Variants in WDR70 observed in about 807,000 individuals in gnomAD.
The protein encoded by WDR70 is WD repeat-containing protein 70.
A neutral mutation model predicts 88.6 loss-of-function variants in WDR70; 53 were observed. That is an observed-to-expected ratio of 0.60 (90% confidence interval 0.48 to 0.75). WDR70 has a LOEUF of 0.75. WDR70 is among the 30% of genes least tolerant of loss of function. The pLI is 0.00. For missense variants in WDR70, 610 were observed against 823.2 expected (o/e 0.74, Z 3.17); for synonymous variants, 280 against 270.0 (o/e 1.04, Z -0.36).
rs982273368 is a variant in WDR70 at position 37,562,263 on chromosome 5, G to A, written c.918-42801G>A. On this transcript the variant is annotated intron_variant, in intron 9 of 17. Coordinates refer to ENST00000265107, the MANE Select transcript of WDR70 (RefSeq NM_018034.4). The stretch of plus-strand genomic sequence containing the variant: ...TCCCAGCTACTTGGGAGGCTAAGGC[G>A]CAAAAATTGCTTGAACCGGGAGGCA... 2.8e-4 allele frequency among the ~76,000 whole-genome samples: 43 copies of A among 152,146 alleles called. No individual in the cohort carries two copies. The East Asian group carries it at 3.1e-3, about 11-fold the overall frequency.
chr5:37,641,891 A>G (rs536037963), intron 10 of WDR70, among the ~76,000 whole-genome samples: 4 of 152,288 alleles, frequency 2.6e-5, no homozygotes, highest in South Asian at 2.1e-4. Flanking sequence ...TATACCAACT[A>G]TTTTAGAAAG....
At chr5:37,432,842 C>G (rs867903361) in intron 5 of WDR70, among the ~76,000 whole-genome samples, 49 of 152,026 alleles carry the variant, frequency 3.2e-4, no homozygotes, top group Middle Eastern at 3.4e-3. Flanking sequence ...GGATTATAGG[C>G]GTGAGCCACC....
intron 7 of WDR70, among the ~76,000 whole-genome samples, chr5:37,456,494 T>C (rs1738844557): frequency 6.6e-6 from 1 of 152,222 alleles, no homozygotes; most frequent in African/African-American, 2.4e-5. Flanking sequence ...GTTGCTTAGA[T>C]AGAAAGAGTT....
At chr5:37,415,727 A>G (rs1284836421) in intron 5 of WDR70, among the ~76,000 whole-genome samples, 3 of 140,632 alleles carry the variant, frequency 2.1e-5, no homozygotes, top group East Asian at 2.3e-4. Flanking sequence ...GGCGGCTGCC[A>G]GGTGGAGGGG....
chr5:37,468,465 CAT>C (rs1240189084), intron 7 of WDR70, among the ~76,000 whole-genome samples: 1 of 152,112 alleles, frequency 6.6e-6, no homozygotes, highest in East Asian at 1.9e-4. Context: ...TTTTATTTCA[CAT>C]ATTGACATTA....
intron 3 of WDR70, among the ~76,000 whole-genome samples, chr5:37,390,582 C>T (rs71619860): frequency 1.0e-3 from 158 of 151,806 alleles, no homozygotes; most frequent in South Asian, 4.0e-3. Flanking sequence ...CCTCGTGATC[C>T]GCCTGTCTCG....
intron 10 of WDR70, among the ~76,000 whole-genome samples, chr5:37,656,167 G>C (rs1427704867): frequency 6.6e-6 from 1 of 152,036 alleles, no homozygotes; most frequent in Non-Finnish European, 1.5e-5. Context: ...CTTCCTGTCT[G>C]TTTGTTAGTT....
At chr5:37,629,978 G>A (rs1469349646) in intron 10 of WDR70, among the ~76,000 whole-genome samples, 1 of 152,104 alleles carries the variant, frequency 6.6e-6, no homozygotes, top group Non-Finnish European at 1.5e-5. Flanking sequence ...GGAGTGCATT[G>A]GCTTTGGATC....
At chr5:37,528,041 C>G (rs1381686396) in intron 9 of WDR70, among the ~76,000 whole-genome samples, 2 of 152,130 alleles carry the variant, frequency 1.3e-5, no homozygotes, top group South Asian at 2.1e-4. Flanking sequence ...GGACTGTAAA[C>G]TAGGTCAACC....
intron 10 of WDR70, among the ~76,000 whole-genome samples, chr5:37,685,965 T>A (rs527452037): frequency 6.6e-6 from 1 of 152,278 alleles, no homozygotes; most frequent in Admixed American, 6.5e-5. Context: ...CCTCTGAAGA[T>A]CTGCTAGGAG....
intron 8 of WDR70, among the ~76,000 whole-genome samples, chr5:37,485,601 A>T (rs561362475): frequency 6.6e-6 from 1 of 152,324 alleles, no homozygotes; most frequent in South Asian, 2.1e-4. Context: ...AATAAACTTC[A>T]TTCAGGCGTG....
intron 13 of WDR70, among the ~76,000 whole-genome samples, chr5:37,716,195 A>G (rs1476838931): frequency 6.6e-6 from 1 of 152,226 alleles, no homozygotes; most frequent in Non-Finnish European, 1.5e-5. Flanking sequence ...GGATCCGGAA[A>G]TGGAGTTTCA....
intron 7 of WDR70, among the ~76,000 whole-genome samples, chr5:37,452,911 G>A (rs1327010711): frequency 1.3e-5 from 2 of 152,190 alleles, no homozygotes; most frequent in Non-Finnish European, 2.9e-5. Flanking sequence ...AAGTCTAGGA[G>A]TGAAGCTGAG....
At chr5:37,390,440 C>A (rs147426998) in intron 3 of WDR70, among the ~76,000 whole-genome samples, 1 of 150,752 alleles carries the variant, frequency 6.6e-6, no homozygotes, top group African/African-American at 2.4e-5. Flanking sequence ...CCTGGGTTCA[C>A]GCCATTCTCT....
intron 3 of WDR70, among the ~76,000 whole-genome samples, chr5:37,386,758 T>C (rs1205780905): frequency 6.6e-6 from 1 of 152,154 alleles, no homozygotes; most frequent in Admixed American, 6.6e-5. Flanking sequence ...TGTAATACTG[T>C]CTTGTTAAAA....
chr5:37,679,804 G>A (rs1263884516), intron 10 of WDR70, among the ~76,000 whole-genome samples: 1 of 152,234 alleles, frequency 6.6e-6, no homozygotes. Context: ...GCTTACTCCT[G>A]TCTTTTTGTT....
intron 10 of WDR70, among the ~76,000 whole-genome samples, chr5:37,628,738 T>A (rs1197132813): frequency 6.6e-6 from 1 of 152,232 alleles, no homozygotes; most frequent in African/African-American, 2.4e-5. Flanking sequence ...TTTTGTTGAT[T>A]TTCTGGTTAT....
intron 9 of WDR70, among the ~76,000 whole-genome samples, chr5:37,603,628 G>A (rs190785085): frequency 7.9e-5 from 12 of 152,250 alleles, no homozygotes; most frequent in African/African-American, 1.9e-4. Context: ...AAACTAAAAA[G>A]CTTCTAATCT....
intron 10 of WDR70, among the ~76,000 whole-genome samples, chr5:37,608,095 G>T (rs1378437061): frequency 6.9e-6 from 1 of 144,168 alleles, no homozygotes; most frequent in Non-Finnish European, 1.5e-5. Context: ...AGGCTGGAGT[G>T]CAGTGGCACA....
Sources: allele counts gnomAD v4.1 joint callset (sites outside exome capture counted in the v4.1 genomes callset), GRCh38; gene constraint gnomAD v4.1.1; transcripts MANE v1.5; gene names NCBI Gene and HGNC (gene_info 2026-07-23, HGNC 2026-07-21).